Variants in ATXN2L observed in about 807,000 individuals in gnomAD.
ATXN2L encodes ataxin 2 like, also known as ataxin-2-like protein.
Under a neutral mutation model 120.7 loss-of-function variants are expected in ATXN2L, and 24 were observed. The ratio of observed to expected loss-of-function variants is 0.20; its 90% CI spans 0.14 to 0.28. The LOEUF (loss-of-function observed/expected upper bound fraction) is 0.28. Among genes scored for constraint, ATXN2L ranks in the 10% least tolerant of loss-of-function variants. The pLI is 1.00. For synonymous variants in ATXN2L, 653 were observed against 568.1 expected (o/e 1.15, Z -2.13); for missense variants, 1,312 against 1,432.3 (o/e 0.92, Z 1.36).
At chr16:28,827,989 C>T (rs974036529) in intron 6 of ATXN2L, among the ~76,000 whole-genome samples, 4 of 152,168 alleles carry the variant, frequency 2.6e-5, no homozygotes, top group African/African-American at 9.7e-5. Flanking sequence ...CTTTTCTTGC[C>T]TTTTCGAACT....
chr16:28,834,496 C>T lies in ATXN2L; in HGVS notation c.2246-10C>T, dbSNP rs757613173. ...GGAGCTTGAGCTCTCCTCTCCTCCTCCTCTTCCAGGCTCCCTTCCTCCGCA... is the reference window on the plus strand; with the variant it reads ...GGAGCTTGAGCTCTCCTCTCCTCCTTCTCTTCCAGGCTCCCTTCCTCCGCA... On this transcript the variant is annotated splice_polypyrimidine_tract_variant and intron_variant, in intron 17 of 21. Coordinates refer to ENST00000336783, the MANE Select transcript of ATXN2L (RefSeq NM_007245.4). The T allele has an allele frequency of 1.7e-5, 27 of 1,612,480 alleles. 1 individual carries two copies. The South Asian group carries it at 2.5e-4, about 15-fold the overall frequency.
intron 8 of ATXN2L, 97 bp downstream of exon 8, chr16:28,830,155 C>T: frequency 8.0e-7 from 1 of 1,250,480 alleles, no homozygotes; most frequent in Non-Finnish European, 1.1e-6. Flanking sequence ...AGCCTTGTGA[C>T]CATGTAAAAT....
Position 28,834,113 on chromosome 16 carries a change from A to G in ATXN2L, c.2074A>G (p.Thr692Ala). The change falls in exon 16 of 22, where the codon ACT becomes GCT. Residue 692 changes from threonine to alanine, a missense_variant. Physicochemically the swap from Thr to Ala is moderately conservative, Grantham distance 58. Coordinates refer to ENST00000336783, the MANE Select transcript of ATXN2L (RefSeq NM_007245.4). The stretch of plus-strand genomic sequence containing the variant: ...TTCTCCGGGGCCCCGGACTCATTCA[A>G]CTCCCTCCATCCCGGTGCTGACAGC... ...PTSPGPRTHS[T>A]PSIPVLTAGQ... The G allele has an allele frequency of 6.2e-7, 1 of 1,613,818 alleles. No individual in the cohort carries two copies. Among genetic ancestry groups the G allele is most frequent in the Non-Finnish European group, 8.5e-7 (1 of 1,179,948 alleles).
rs1290865282 is a variant in ATXN2L at position 28,836,195 on chromosome 16, G to T, written c.3158G>T (p.Gly1053Val). The T allele has an allele frequency of 6.2e-7, 1 of 1,614,116 alleles. No homozygotes were observed. The highest frequency in any genetic ancestry group is 8.5e-7 in the Non-Finnish European group (1 of 1,180,004). Residue 1053 changes from glycine (G) to valine (V), a missense_variant, in exon 22 of 22, where the codon GGG becomes GTG. Physicochemically the swap from Gly to Val is moderately radical, Grantham distance 109 (BLOSUM62 -3). Coordinates refer to ENST00000336783, the MANE Select transcript of ATXN2L (RefSeq NM_007245.4). ...DDRIREFSLA[G>V]GIWHGRAEGL... ...AGGATTCGTGAGTTCTCATTAGCTG[G>T]GGGAATTTGGCATGGAAGAGCTGAG...
At chr16:28,835,465 G>A (rs1960142466) in intron 20 of ATXN2L, 66 bp downstream of exon 20, 1 of 1,611,266 alleles carries the variant, frequency 6.2e-7, no homozygotes, top group South Asian at 1.1e-5. Flanking sequence ...AAGGGATAGA[G>A]CTAGGGGTCA....
At position 28,823,509 on chromosome 16, in the gene ATXN2L, C is replaced by T. The variant is rs901060231; in HGVS notation, c.250C>T (p.Pro84Ser). ...CATCTTGGCGCCGCAGCCGCCGCCGCCGCAGCAACACCAGGAGAGGCCGGG... is the reference window on the plus strand; with the variant it reads ...CATCTTGGCGCCGCAGCCGCCGCCGTCGCAGCAACACCAGGAGAGGCCGGG... ...EGILAPQPPP[P>S]QQHQERPGAA... The change falls in exon 1 of 22, where the codon CCG becomes TCG. Residue 84 changes from proline (P) to serine (S), a missense_variant. By Grantham distance (74) the Pro-to-Ser change is moderately conservative (BLOSUM62 -1). Coordinates refer to ENST00000336783, the MANE Select transcript of ATXN2L (RefSeq NM_007245.4). 2.9e-6 allele frequency: 4 copies of T among 1,389,164 alleles called. No individual in the cohort carries two copies. The highest frequency in any genetic ancestry group is 6.5e-5 in the Admixed American group (2 of 30,888). 86.1% of individuals were successfully genotyped at this position (1,389,164 alleles called of 1,614,324 possible). A position where few individuals can be genotyped will look rare whatever the true frequency, so the allele number is the denominator to read the frequency against.
At position 28,823,223 on chromosome 16, in the gene ATXN2L, T is replaced by G. The variant is rs1596827588; in HGVS notation, c.-37T>G. ...CCCCAGCCCCGGCCCCCTCTCTCCC[T>G]CCCTTCTCTCTAATTCCCCTTCCGG... On this transcript the variant is annotated 5_prime_UTR_variant, in exon 1 of 22. Transcript: ENST00000336783. 3 of 1,190,762 alleles carry G rather than the reference T, an allele frequency of 2.5e-6. No homozygotes were observed. The highest frequency in any genetic ancestry group is 3.3e-6 in the Non-Finnish European group (3 of 922,116). 73.8% of individuals were successfully genotyped at this position (1,190,762 alleles called of 1,614,324 possible).
intron 12 of ATXN2L, 72 bp from the exon 13 acceptor site, chr16:28,832,745 C>G: frequency 6.6e-7 from 1 of 1,514,010 alleles, no homozygotes; most frequent in Admixed American, 1.7e-5. Context: ...GTCCTCTGTT[C>G]TTTTGGCACT....
intron 6 of ATXN2L, among the ~76,000 whole-genome samples, chr16:28,828,568 CAA>C (rs2053137668): frequency 1.4e-5 from 2 of 142,990 alleles, no homozygotes; most frequent in African/African-American, 5.2e-5. Flanking sequence ...GCCTGGGCAA[CAA>C]GAGTGAAACT....
intron 8 of ATXN2L, among the ~76,000 whole-genome samples, 189 bp downstream of exon 8, chr16:28,830,247 A>G (rs2053836507): frequency 6.8e-6 from 1 of 147,318 alleles, no homozygotes; most frequent in Admixed American, 6.8e-5. Context: ...TTGTAGATCT[A>G]AAAAAAAAAA....
At chr16:28,830,847 G>A in intron 9 of ATXN2L, 57 bp downstream of exon 9, 1 of 1,548,850 alleles carries the variant, frequency 6.5e-7, no homozygotes, top group Non-Finnish European at 8.7e-7. Context: ...CAAGGAGGTG[G>A]GAGGGTAATT....
intron 6 of ATXN2L, among the ~76,000 whole-genome samples, chr16:28,827,790 C>G (rs949854780): frequency 1.3e-5 from 2 of 152,216 alleles, no homozygotes; most frequent in African/African-American, 4.8e-5. Flanking sequence ...TGGTCCCACA[C>G]CTGTAGTCCC....
chr16:28,824,880 ATTTT>A (rs2051233614), intron 1 of ATXN2L, among the ~76,000 whole-genome samples: 1 of 151,574 alleles, frequency 6.6e-6, no homozygotes, highest in South Asian at 2.1e-4. Context: ...ATTAATGTCT[ATTTT>A]TTTCTTCCTC....
intron 4 of ATXN2L, 65 bp from the exon 5 acceptor site, chr16:28,826,175 G>A (rs2051888849): frequency 6.3e-7 from 1 of 1,581,942 alleles, no homozygotes; most frequent in Non-Finnish European, 8.7e-7. Flanking sequence ...GAGAAATCCA[G>A]TTCTATTTTT....
chr16:28,835,462 A>G (rs1050923584), intron 20 of ATXN2L, 63 bp downstream of exon 20: 13 of 1,611,508 alleles, frequency 8.1e-6, no homozygotes, highest in Non-Finnish European at 1.1e-5. Context: ...AAGAAGGGAT[A>G]GAGCTAGGGG....
At chr16:28,828,311 G>A (rs1330551257) in intron 6 of ATXN2L, among the ~76,000 whole-genome samples, 1 of 152,180 alleles carries the variant, frequency 6.6e-6, no homozygotes, top group Non-Finnish European at 1.5e-5. Flanking sequence ...TGCAGGCCGG[G>A]CGCGGTGGCT....
intron 6 of ATXN2L, among the ~76,000 whole-genome samples, chr16:28,827,448 A>G (rs772764154): frequency 6.6e-6 from 1 of 151,992 alleles, no homozygotes; most frequent in Non-Finnish European, 1.5e-5. Flanking sequence ...CAAAACATCA[A>G]CTTACTCTCT....
chr16:28,834,145 G>A lies in ATXN2L; in HGVS notation c.2106G>A (p.Gln702=), dbSNP rs145499751. ...TPSIPVLTAG[Q]SGLYSPQYIS... ...CCATCCCGGTGCTGACAGCAGGCCAGAGTGGGCTATACAGCCCCCAGTACA... is the reference window on the plus strand; with the variant it reads ...CCATCCCGGTGCTGACAGCAGGCCAAAGTGGGCTATACAGCCCCCAGTACA... The change falls in exon 16 of 22, where the codon CAG becomes CAA. Residue 702 remains glutamine, a synonymous_variant. Coordinates refer to ENST00000336783, the MANE Select transcript of ATXN2L (RefSeq NM_007245.4). 1.1e-5 allele frequency: 18 copies of A among 1,614,174 alleles called. No homozygotes were observed. Among genetic ancestry groups the A allele is most frequent in the African/African-American group, 9.3e-5 (7 of 75,048 alleles).
chr16:28,836,694 T>C lies in ATXN2L; in HGVS notation c.*429T>C. 6.2e-7 allele frequency: 1 copy of C among 1,613,732 alleles called. No homozygotes were observed. Among genetic ancestry groups the C allele is most frequent in the Non-Finnish European group, 8.5e-7 (1 of 1,179,956 alleles). On this transcript the variant is annotated 3_prime_UTR_variant, in exon 22 of 22. Transcript: ENST00000336783. ...GAAGGGACAGCTGCTTGGGTTCTAA[T>C]GCTCCTGCTCTCTTCTCTTTCCCCT...
Sources: gnomAD v4.1 joint callset for allele counts (sites outside exome capture counted in the v4.1 genomes callset) on GRCh38, gnomAD v4.1.1 for gene constraint, MANE v1.5 for transcripts, NCBI Gene and HGNC (gene_info 2026-07-23, HGNC 2026-07-21) for gene names.